The following SMYD3 variants were observed in gnomAD, a reference collection of about 807,000 sequenced individuals.
The protein encoded by SMYD3 is SET and MYND domain containing 3, also known as histone-lysine N-methyltransferase SMYD3.
In SMYD3, 36 loss-of-function variants were observed where a neutral mutation model predicts 57.7. That is an observed-to-expected ratio of 0.62 (90% CI 0.48 to 0.82). SMYD3 has a LOEUF of 0.82. Among genes scored for constraint, SMYD3 ranks in the 40% least tolerant of loss-of-function variants. The pLI, the probability that SMYD3 is intolerant of heterozygous loss-of-function variation, is 0.00. For missense variants in SMYD3, 515 were observed against 538.8 expected (o/e 0.96, Z 0.44); for synonymous variants, 211 against 195.0 (o/e 1.08, Z -0.68).
intron 5 of SMYD3, among the ~76,000 whole-genome samples, chr1:246,154,759 GT>G (rs923768945): frequency 4.8e-5 from 7 of 146,110 alleles, no homozygotes; most frequent in South Asian, 4.4e-4. Context: ...AACAAACAAT[GT>G]TTTTTTTTTG....
At chr1:245,930,992 G>T (rs186511299) in intron 5 of SMYD3, among the ~76,000 whole-genome samples, 3 of 152,284 alleles carry the variant, frequency 2.0e-5, no homozygotes, top group Middle Eastern at 3.4e-3. Flanking sequence ...AAGGCCCTAC[G>T]CTAGGAATGC....
intron 1 of SMYD3, among the ~76,000 whole-genome samples, chr1:246,467,539 C>T (rs959140360): frequency 2.1e-4 from 32 of 151,954 alleles, no homozygotes; most frequent in African/African-American, 7.3e-4. Context: ...TACTAAGGAT[C>T]GTAATATTAT....
chr1:245,801,916 CA>C (rs112887538), intron 10 of SMYD3, among the ~76,000 whole-genome samples: 9,572 of 144,702 alleles, frequency 0.066, 403 homozygotes, highest in East Asian at 0.12. Context: ...ACCAAAACAC[CA>C]AAAAAAAAAA....
intron 1 of SMYD3, among the ~76,000 whole-genome samples, chr1:246,426,519 C>A (rs1162011052): frequency 2.0e-5 from 3 of 152,156 alleles, no homozygotes; most frequent in African/African-American, 7.2e-5. Context: ...GACATGCGGT[C>A]TTTTATGTCC....
chr1:245,912,775 A>G (rs911472935), intron 8 of SMYD3, among the ~76,000 whole-genome samples: 3 of 152,224 alleles, frequency 2.0e-5, no homozygotes, highest in Non-Finnish European at 4.4e-5. Flanking sequence ...CTCTTCAATT[A>G]TTTGTCATCA....
At chr1:245,793,532 A>C (rs1476802721) in intron 10 of SMYD3, among the ~76,000 whole-genome samples, 1 of 151,986 alleles carries the variant, frequency 6.6e-6, no homozygotes, top group Admixed American at 6.6e-5. Flanking sequence ...TGCCACCCAG[A>C]GGTCCACATC....
At position 245,863,816 on chromosome 1, in the gene SMYD3, T is replaced by G. The variant is rs778143087; in HGVS notation, c.884A>C (p.Glu295Ala). 1.9e-5 allele frequency: 30 copies of G among 1,613,984 alleles called. No homozygotes were observed. The highest frequency in any genetic ancestry group is 2.5e-5 in the Non-Finnish European group (29 of 1,179,968). ...EVQESLKKIEELKAHWKWEQV... is the reference protein window; with the variant it reads ...EVQESLKKIEALKAHWKWEQV... ...AAGGATACTCCAGTGTGCCTTCAGT[T>G]CTTCAATTTTTTTCAGGGATTCTTG... The change falls in exon 9 of 12, where the codon GAA (glutamate) becomes GCA (alanine). Residue 295 changes from glutamate (E) to alanine (A), a missense_variant. Glu to Ala is a moderately radical substitution (Grantham distance 107). Coordinates refer to ENST00000490107, the MANE Select transcript of SMYD3 (RefSeq NM_001167740.2).
At chr1:246,212,243 T>C (rs2063101078) in intron 5 of SMYD3, among the ~76,000 whole-genome samples, 1 of 152,070 alleles carries the variant, frequency 6.6e-6, no homozygotes, top group South Asian at 2.1e-4. Flanking sequence ...TAGTCAATTA[T>C]TTCAAGGAAA....
chr1:246,237,129 G>C (rs2063525405), intron 5 of SMYD3, among the ~76,000 whole-genome samples: 1 of 152,098 alleles, frequency 6.6e-6, no homozygotes, highest in Non-Finnish European at 1.5e-5. Context: ...TCTTGTCATA[G>C]AAACATGAGT....
At chr1:246,134,263 A>G (rs900629064) in intron 5 of SMYD3, among the ~76,000 whole-genome samples, 18 of 152,118 alleles carry the variant, frequency 1.2e-4, no homozygotes, top group South Asian at 4.1e-4. Context: ...TCTTTTATAA[A>G]TAGTACTCCC....
intron 7 of SMYD3, among the ~76,000 whole-genome samples, chr1:245,921,157 G>A (rs746591081): frequency 6.6e-5 from 10 of 152,286 alleles, no homozygotes; most frequent in Non-Finnish European, 1.0e-4. Context: ...AGACATACCA[G>A]CAGCCAACAA....
chr1:246,224,945 T>C (rs1572238104), intron 5 of SMYD3, among the ~76,000 whole-genome samples: 1 of 151,984 alleles, frequency 6.6e-6, no homozygotes, highest in African/African-American at 2.4e-5. Context: ...TCTGGCTATG[T>C]TGAGTTTGAG....
intron 10 of SMYD3, among the ~76,000 whole-genome samples, chr1:245,853,701 T>C (rs953131823): frequency 1.4e-5 from 2 of 144,534 alleles, no homozygotes; most frequent in South Asian, 4.5e-4. Context: ...CAACCTATCT[T>C]CCAAACCTTC....
intron 1 of SMYD3, among the ~76,000 whole-genome samples, chr1:246,429,118 A>G (rs2067263001): frequency 6.6e-6 from 1 of 151,210 alleles, no homozygotes; most frequent in Non-Finnish European, 1.5e-5. Flanking sequence ...AGAGTTATCT[A>G]TGCCAATGGG....
intron 6 of SMYD3, 145 bp downstream of exon 6, chr1:245,929,725 C>A (rs2056604395): frequency 4.7e-6 from 3 of 639,182 alleles, no homozygotes; most frequent in Non-Finnish European, 8.4e-6. Flanking sequence ...TAACATTTTC[C>A]ATTTTTTTGT....
At chr1:246,297,419 A>G (rs950159300) in intron 5 of SMYD3, among the ~76,000 whole-genome samples, 4 of 152,140 alleles carry the variant, frequency 2.6e-5, no homozygotes, top group African/African-American at 9.6e-5. Context: ...ACGGTAGTAG[A>G]GGCAGCAGCT....
chr1:246,244,080 A>G (rs1448798820), intron 5 of SMYD3, among the ~76,000 whole-genome samples: 5 of 142,896 alleles, frequency 3.5e-5, no homozygotes, highest in African/African-American at 1.3e-4. Flanking sequence ...AAAACATTTT[A>G]TTTCATTAAT....
At chr1:246,341,743 C>G (rs10802394) in intron 2 of SMYD3, among the ~76,000 whole-genome samples, 21,808 of 152,060 alleles carry the variant, frequency 0.14, 2,137 homozygotes, top group East Asian at 0.43. Flanking sequence ...ATCATATTTC[C>G]CTCTCCTCTT....
intron 5 of SMYD3, among the ~76,000 whole-genome samples, chr1:246,196,506 T>C (rs1485480920): frequency 1.3e-5 from 2 of 152,208 alleles, no homozygotes; most frequent in Admixed American, 1.3e-4. Context: ...TTAAAAATTA[T>C]CTTGAAAAAT....
Sources: allele counts gnomAD v4.1 joint callset (sites outside exome capture counted in the v4.1 genomes callset), GRCh38; gene constraint gnomAD v4.1.1; transcripts MANE v1.5; gene names NCBI Gene and HGNC (gene_info 2026-07-23, HGNC 2026-07-21).